TAF7L: variants seen among roughly 807,000 people sequenced by gnomAD.
TAF7L encodes transcription initiation factor TFIID subunit 7-like.
In TAF7L, 6 loss-of-function variants were observed where a neutral mutation model predicts 30.2. The ratio of observed to expected loss-of-function variants is 0.20; its 90% CI spans 0.11 to 0.39. The LOEUF is 0.39. Ranked by LOEUF, TAF7L falls within the 10% of genes least tolerant of loss-of-function variation. The probability of loss-of-function intolerance (pLI) is 1.00; values close to 1 mark genes in which losing one functional copy is unlikely to be tolerated. For missense variants in TAF7L, 284 were observed against 277.1 expected (o/e 1.03, Z -0.18); for synonymous variants, 93 against 94.5 (o/e 0.98, Z 0.09).
At position 101,276,320 on chromosome X, in the gene TAF7L, A is replaced by G; in HGVS notation, c.900T>C (p.Gly300=). 2 of 1,211,028 alleles carry G rather than the reference A, an allele frequency of 1.7e-6. No homozygotes were observed. The highest frequency in any genetic ancestry group is 1.1e-6 in the Non-Finnish European group (1 of 895,218). The change falls in exon 10 of 13, where the codon GGT becomes GGC. Residue 300 remains glycine (G), a synonymous_variant. Coordinates refer to ENST00000356784, the MANE Select transcript of TAF7L (RefSeq NM_001168474.2). ...TTTCTGACTTACCTATTGAACTGGT[A>G]CCTTCATTTGCCCTATACTGGCCAG... ...IESGQYRANE[G]TSSIVMEIQK...
intron 2 of TAF7L, 133 bp downstream of exon 2, chrX:101,287,345 C>A: frequency 1.1e-5 from 6 of 563,099 alleles, no homozygotes; most frequent in Non-Finnish European, 1.4e-5. Context: ...CTTAACAGAA[C>A]ATGATTCCTG....
Position 101,283,587 on chromosome X carries a change from A to G in TAF7L, c.146-4T>C. The G allele has an allele frequency of 8.3e-7, 1 of 1,208,506 alleles. No homozygotes were observed. Among genetic ancestry groups the G allele is most frequent in the East Asian group, 3.0e-5 (1 of 33,827 alleles). ...ACAACTGCATGGCGCCCATCAGCTG[A>G]AGAGAAGTAAAGATTAAAGTTGATA... is the stretch of plus-strand genomic sequence containing the variant. On this transcript the variant is annotated splice_polypyrimidine_tract_variant and splice_region_variant and intron_variant, in intron 3 of 12. Coordinates refer to ENST00000356784, the MANE Select transcript of TAF7L (RefSeq NM_001168474.2).
At chrX:101,291,396 C>A (rs1298803371), upstream of TAF7L, 3 of 474,037 alleles carry the variant, frequency 6.3e-6, no homozygotes, top group Non-Finnish European at 2.6e-6. Context: ...CGCCTCGCCA[C>A]GCCTCCGCGG....
intron 12 of TAF7L, among the ~76,000 whole-genome samples, chrX:101,272,656 A>G (rs1924005420): frequency 8.9e-6 from 1 of 111,831 alleles, no homozygotes. Context: ...GGGAGTGACT[A>G]CTAATGGATA....
chrX:101,288,308 A>G (rs1187912895), intron 1 of TAF7L, among the ~76,000 whole-genome samples: 1 of 109,547 alleles, frequency 9.1e-6, no homozygotes, highest in African/African-American at 3.3e-5. Context: ...CACCTGGCTA[A>G]TTTTTGTATT....
upstream of TAF7L, among the ~76,000 whole-genome samples, chrX:101,291,508 C>A (rs768633240): frequency 3.6e-5 from 4 of 111,449 alleles, no homozygotes; most frequent in African/African-American, 1.3e-4. Context: ...AGGGGAGCGC[C>A]GAGGGGAGGG....
intron 12 of TAF7L, among the ~76,000 whole-genome samples, chrX:101,274,581 C>G (rs1185604862): frequency 9.0e-6 from 1 of 110,779 alleles, no homozygotes; most frequent in Non-Finnish European, 1.9e-5. Flanking sequence ...CTGAATTGTC[C>G]CAGTCTGAGT....
In TAF7L at chrX:101,268,324, A is replaced by T. The variant is rs1374525020; in HGVS notation, c.*869T>A. 4 of 112,291 alleles carry T rather than the reference A, an allele frequency of 3.6e-5. No homozygotes were observed. The highest frequency in any genetic ancestry group is 7.5e-5 in the Non-Finnish European group (4 of 53,322). 9.3% of individuals were successfully genotyped at this position (112,291 alleles called of 1,213,427 possible). A position where few individuals can be genotyped will look rare whatever the true frequency, so the allele number is the denominator to read the frequency against. Reference sequence around the variant, plus strand: ...ATAAAACACTAATAATATACCTAGAAAAAAACCCAAACAAGATTGTTAAAG... The same window carrying T: ...ATAAAACACTAATAATATACCTAGATAAAAACCCAAACAAGATTGTTAAAG... On this transcript the variant is annotated 3_prime_UTR_variant, in exon 13 of 13. Transcript: ENST00000356784.
At chrX:101,287,335 C>CT (rs1408641933) in intron 2 of TAF7L, 143 bp downstream of exon 2, 2 of 523,626 alleles carry the variant, frequency 3.8e-6, no homozygotes, top group Non-Finnish European at 6.2e-6. Flanking sequence ...GATAGGACTG[C>CT]TTAACAGAAC....
At chrX:101,286,699 T>G in intron 2 of TAF7L, 46 bp from the exon 3 acceptor site, 1 of 1,001,872 alleles carries the variant, frequency 1.0e-6, no homozygotes, top group Non-Finnish European at 1.4e-6. Context: ...AAACATCTAC[T>G]TGGCAGCTAA....
chrX:101,279,965 CAACAAA>C (rs1924345704), intron 6 of TAF7L, among the ~76,000 whole-genome samples: 1 of 105,333 alleles, frequency 9.5e-6, no homozygotes, highest in South Asian at 4.1e-4. Flanking sequence ...ACAACAACAA[CAACAAA>C]AAAAAAACCT....
intron 8 of TAF7L, 23 bp from the exon 9 acceptor site, chrX:101,277,742 GA>G: frequency 9.3e-7 from 1 of 1,072,315 alleles, no homozygotes; most frequent in Admixed American, 2.4e-5. Flanking sequence ...GGTAGTCAAG[GA>G]AAACACAGAA....
Position 101,283,466 on chromosome X carries a change from G to A in TAF7L, c.263C>T (p.Thr88Ile). 1 of 1,211,440 alleles carries A rather than the reference G, an allele frequency of 8.3e-7. No individual in the cohort carries two copies. The highest frequency in any genetic ancestry group is 1.1e-6 in the Non-Finnish European group (1 of 895,186). Residue 88 changes from threonine to isoleucine, a missense_variant, in exon 4 of 13, where the codon ACA becomes ATA. Physicochemically the swap from Thr to Ile is moderately conservative, Grantham distance 89 (BLOSUM62 -1). Transcript: ENST00000356784. ...AGTCCATACCTGAGAAATGTCTGCTGTTTTATAAAAGGTTTTTTTATCAAG... is the reference window on the plus strand; with the variant it reads ...AGTCCATACCTGAGAAATGTCTGCTATTTTATAAAAGGTTTTTTTATCAAG... ...RTLDKKTFYKTADISQMLVCT... is the reference protein window; with the variant it reads ...RTLDKKTFYKIADISQMLVCT...
At position 101,268,412 on chromosome X, in the gene TAF7L, A is replaced by G. The variant is rs1336055179; in HGVS notation, c.*781T>C. 8.9e-6 allele frequency: 1 copy of G among 112,165 alleles called. No individual in the cohort carries two copies. Among genetic ancestry groups the G allele is most frequent in the African/African-American group, 3.2e-5 (1 of 30,881 alleles). 9.2% of individuals were successfully genotyped at this position (112,165 alleles called of 1,213,427 possible). A position where few individuals can be genotyped will look rare whatever the true frequency, so the allele number is the denominator to read the frequency against. On this transcript the variant is annotated 3_prime_UTR_variant, in exon 13 of 13. Transcript: ENST00000356784. ...ACCTTAACTGATGAGGGTTAGGAGG[A>G]GAAGGCTCAGAATAAGGATAACAGT...
intron 9 of TAF7L, 112 bp from the exon 10 acceptor site, chrX:101,276,640 A>G (rs1924196226): frequency 1.2e-6 from 1 of 834,321 alleles, no homozygotes; most frequent in Non-Finnish European, 1.7e-6. Flanking sequence ...TGAATTTTAT[A>G]AATCATTTTT....
At chrX:101,280,064 A>G (rs1434788761) in intron 6 of TAF7L, among the ~76,000 whole-genome samples, 1 of 106,719 alleles carries the variant, frequency 9.4e-6, no homozygotes, top group Non-Finnish European at 1.9e-5. Context: ...AAAAAAAAGC[A>G]GGAGAAAATC....
chrX:101,277,012 T>G (rs780661469), intron 9 of TAF7L, among the ~76,000 whole-genome samples: 2 of 105,675 alleles, frequency 1.9e-5, no homozygotes, highest in South Asian at 8.6e-4. Flanking sequence ...ATTAGCTTGG[T>G]GTGGTGGTAC....
At chrX:101,274,837 G>A (rs1924104817) in intron 12 of TAF7L, among the ~76,000 whole-genome samples, 1 of 112,153 alleles carries the variant, frequency 8.9e-6, no homozygotes. Flanking sequence ...TAGAAGTTTG[G>A]TGATGTTTTT....
chrX:101,281,885 CTTTTTTT>C (rs150397187), intron 5 of TAF7L, 110 bp from the exon 6 acceptor site: 3 of 439,901 alleles, frequency 6.8e-6, no homozygotes, highest in Non-Finnish European at 1.0e-5. Context: ...GACATCACTC[CTTTTTTT>C]TTTTTTTTTT....
Sources: allele counts gnomAD v4.1 joint callset (sites outside exome capture counted in the v4.1 genomes callset), GRCh38; gene constraint gnomAD v4.1.1; transcripts MANE v1.5; gene names NCBI Gene and HGNC (gene_info 2026-07-23, HGNC 2026-07-21).